The following DCAF4 variants were observed in gnomAD, a reference collection of about 807,000 sequenced individuals.
The protein encoded by DCAF4 is DDB1 and CUL4 associated factor 4.
In DCAF4, 37 loss-of-function variants were observed where a neutral mutation model predicts 60.9. That is an observed-to-expected ratio of 0.61 (90% CI 0.47 to 0.80). The LOEUF is 0.80. Among genes scored for constraint, DCAF4 ranks in the 30% least tolerant of loss-of-function variants. DCAF4 has a pLI of 0.00. For synonymous variants in DCAF4, 243 were observed against 254.8 expected (o/e 0.95, Z 0.44); for missense variants, 577 against 650.0 (o/e 0.89, Z 1.22).
intron 12 of DCAF4, among the ~76,000 whole-genome samples, 192 bp downstream of exon 12, chr14:72,955,888 A>G (rs911615336): frequency 6.6e-6 from 1 of 150,562 alleles, no homozygotes; most frequent in African/African-American, 2.5e-5. Context: ...CGTAAACAAA[A>G]GTGAAAAGGA....
intron 8 of DCAF4, among the ~76,000 whole-genome samples, chr14:72,947,995 G>A (rs1890960380): frequency 1.3e-5 from 2 of 152,060 alleles, no homozygotes; most frequent in Admixed American, 6.6e-5. Flanking sequence ...AATGTGTTCT[G>A]GAAACAATGT....
At chr14:72,960,212 A>G (rs933411312), downstream of DCAF4, among the ~76,000 whole-genome samples, 4 of 150,824 alleles carry the variant, frequency 2.7e-5, no homozygotes, top group African/African-American at 9.8e-5. Context: ...GCTGGAGTGC[A>G]ATGGCGCTCT....
chr14:72,927,578 C>G (rs1437696205), intron 1 of DCAF4, among the ~76,000 whole-genome samples: 30 of 151,800 alleles, frequency 2.0e-4, no homozygotes, highest in Non-Finnish European at 4.1e-4. Context: ...GTCTCGATCT[C>G]CTGACCTCGT....
At chr14:72,942,852 T>C in intron 5 of DCAF4, 142 bp from the exon 6 acceptor site, 2 of 678,482 alleles carry the variant, frequency 2.9e-6, no homozygotes, top group Non-Finnish European at 5.0e-6. Flanking sequence ...GGGATCTTGC[T>C]CAGCTCCATT....
intron 2 of DCAF4, among the ~76,000 whole-genome samples, chr14:72,938,745 A>AT (rs201167859): frequency 0.014 from 2,058 of 151,808 alleles, 47 homozygotes; most frequent in African/African-American, 0.044. Flanking sequence ...GGTATATAAG[A>AT]TTTTTTTTTA....
Position 72,932,741 on chromosome 14 carries a change from T to G in DCAF4, c.-8-5230T>G, listed in dbSNP as rs959054811. 2.0e-5 allele frequency among the ~76,000 whole-genome samples: 3 copies of G among 152,204 alleles called. No homozygotes were observed. The East Asian group carries it at 5.8e-4, about 29-fold the overall frequency. On this transcript the variant is annotated intron_variant, in intron 1 of 13. Transcript: ENST00000358377. ...ACTGTTTTGGGCCAGGTAACTCTTT[T>G]GTTGTTGTTTTTGAGATGGAGTCTT...
rs1479912270 is a variant in DCAF4, at chr14:72,953,728, A to ATAT, written c.809-436_809-435insTAT. Among the ~76,000 whole-genome samples the ATAT allele has an allele frequency of 1.0e-3, 39 of 37,752 alleles. 2 individuals are homozygous for ATAT. Among genetic ancestry groups the ATAT allele is most frequent in the East Asian group, 2.3e-3 (4 of 1,772 alleles). The allele number at this position is 37,752 out of a possible 152,430, so 24.8% of individuals were successfully genotyped here. ...CTGTCTTAAAAAAAAAAAAAAAAAA[A>ATAT]AAAAATATATATATATATATATATA... On this transcript the variant is annotated intron_variant, in intron 9 of 13. Transcript: ENST00000358377.
At chr14:72,934,194 T>G (rs1451111930) in intron 1 of DCAF4, among the ~76,000 whole-genome samples, 1 of 150,214 alleles carries the variant, frequency 6.7e-6, no homozygotes, top group Non-Finnish European at 1.5e-5. Flanking sequence ...GCTCTGTTGC[T>G]CAAGGCTGGA....
At chr14:72,933,242 T>C (rs1888804488) in intron 1 of DCAF4, among the ~76,000 whole-genome samples, 4 of 152,304 alleles carry the variant, frequency 2.6e-5, no homozygotes, top group Admixed American at 2.6e-4. Context: ...ATCTACAAAC[T>C]GTGATGCATA....
chr14:72,943,997 G>T (rs929946411), intron 6 of DCAF4, among the ~76,000 whole-genome samples: 1 of 152,176 alleles, frequency 6.6e-6, no homozygotes, highest in Non-Finnish European at 1.5e-5. Flanking sequence ...ATGTGTGCTT[G>T]GGGGTATGGT....
chr14:72,958,555 GTAAGTTT>G (rs1892586863), intron 13 of DCAF4, 50 bp from the exon 14 acceptor site: 11 of 1,601,976 alleles, frequency 6.9e-6, no homozygotes, highest in Middle Eastern at 1.7e-4. Flanking sequence ...CCACATGTAG[GTAAGTTT>G]TCCTTTGCAT....
At chr14:72,942,022 G>T (rs1890112367) in intron 5 of DCAF4, 198 bp downstream of exon 5, 6 of 534,966 alleles carry the variant, frequency 1.1e-5, no homozygotes, top group Non-Finnish European at 2.0e-5. Context: ...TAGAGCGAAG[G>T]CGGGGGACTC....
At chr14:72,943,744 C>A (rs1051833556) in intron 6 of DCAF4, among the ~76,000 whole-genome samples, 4 of 152,162 alleles carry the variant, frequency 2.6e-5, no homozygotes, top group Admixed American at 2.0e-4. Context: ...AAGAGCAGGG[C>A]CTGCCCGGCA....
At chr14:72,955,092 C>T (rs1055298927) in intron 11 of DCAF4, among the ~76,000 whole-genome samples, 1 of 147,632 alleles carries the variant, frequency 6.8e-6, no homozygotes, top group Admixed American at 6.8e-5. Context: ...GCCTGGGCAA[C>T]AGAGCAAGAC....
chr14:72,946,151 C>A, intron 7 of DCAF4, 124 bp downstream of exon 7: 1 of 1,266,858 alleles, frequency 7.9e-7, no homozygotes, highest in Non-Finnish European at 1.1e-6. Context: ...TTCCATAAGA[C>A]TTGATTTTTT....
Position 72,945,993 on chromosome 14 carries a change from T to C in DCAF4, c.644T>C (p.Phe215Ser). ...QSLKTPTLKV[F>S]MHENLYFTNR... is the part of the protein sequence containing the mutation. ...CTGAAGACCCCTACGCTCAAGGTGT[T>C]CATGCACGAAAACCTCTACTTCACC... Residue 215 changes from phenylalanine to serine, a missense_variant, in exon 7 of 14, where the codon TTC (phenylalanine) becomes TCC (serine). Phe to Ser is a radical substitution (Grantham distance 155). Transcript: ENST00000358377. The C allele has an allele frequency of 3.7e-6, 6 of 1,614,132 alleles. No individual in the cohort carries two copies. The highest frequency in any genetic ancestry group is 5.1e-6 in the Non-Finnish European group (6 of 1,180,034).
At position 72,932,770 on chromosome 14, in the gene DCAF4, A is replaced by G. The variant is rs562311370; in HGVS notation, c.-8-5201A>G. Among the ~76,000 whole-genome samples the G allele has an allele frequency of 3.9e-3, 600 of 152,212 alleles. 1 individual carries two copies. The highest frequency in any genetic ancestry group is 6.8e-3 in the Non-Finnish European group (465 of 68,008). ...GTTGTTTTTGAGATGGAGTCTTGCTATGTTGCCCACACTGGTCTCAAACTC... is the reference window on the plus strand; with the variant it reads ...GTTGTTTTTGAGATGGAGTCTTGCTGTGTTGCCCACACTGGTCTCAAACTC... On this transcript the variant is annotated intron_variant, in intron 1 of 13. Coordinates refer to ENST00000358377, the MANE Select transcript of DCAF4 (RefSeq NM_015604.4).
At position 72,938,040 on chromosome 14, in the gene DCAF4, C is replaced by G. The variant is rs1433046478; in HGVS notation, c.62C>G (p.Pro21Arg). ...GGGAGAAGAAGCCACCAGCAGAACC[C>G]TTGGTTCAGACTCCGTGATTCTGAA... ...RHGRRSHQQN[P>R]WFRLRDSEDR... The change falls in exon 2 of 14, where the codon CCT (proline) becomes CGT (arginine). Residue 21 changes from proline to arginine, a missense_variant. By Grantham distance (103) the Pro-to-Arg change is moderately radical. Coordinates refer to ENST00000358377, the MANE Select transcript of DCAF4 (RefSeq NM_015604.4). The G allele has an allele frequency of 6.2e-7, 1 of 1,610,576 alleles. No homozygotes were observed. The highest frequency in any genetic ancestry group is 8.5e-7 in the Non-Finnish European group (1 of 1,179,072).
rs35481507 is a variant in DCAF4, at chr14:72,958,656, C to T, written c.1339C>T (p.Arg447Cys). 4,553 of 1,614,158 alleles carry T rather than the reference C, an allele frequency of 2.8e-3. 94 individuals carry two copies. In the African/African-American group the frequency reaches 0.045, roughly 16 times the overall value. ...YTRIWSLHDA[R>C]LLRTIPSPYP... Reference sequence around the variant, plus strand: ...GAGAATCTGGAGCCTCCACGATGCCCGCCTACTGAGAACCATACCCTCCCC... The same window carrying T: ...GAGAATCTGGAGCCTCCACGATGCCTGCCTACTGAGAACCATACCCTCCCC... The change falls in exon 14 of 14, where the codon CGC becomes TGC. Residue 447 changes from arginine to cysteine, a missense_variant. Arg to Cys is a radical substitution (Grantham distance 180). Transcript: ENST00000358377.
Sources: gnomAD v4.1 joint callset for allele counts (sites outside exome capture counted in the v4.1 genomes callset) on GRCh38, gnomAD v4.1.1 for gene constraint, MANE v1.5 for transcripts, NCBI Gene and HGNC (gene_info 2026-07-23, HGNC 2026-07-21) for gene names.